The following NTM variants were observed in gnomAD, a reference collection of about 807,000 sequenced individuals.
The protein encoded by NTM is neurotrimin, also known as IgLON family member 2.
In NTM, 13 loss-of-function variants were observed where a neutral mutation model predicts 42.1. The observed-to-expected ratio is 0.31, with a 90% CI of 0.20 to 0.49. The LOEUF (loss-of-function observed/expected upper bound fraction) is 0.49. Ranked by LOEUF, NTM falls within the 20% of genes least tolerant of loss-of-function variation. The probability of loss-of-function intolerance (pLI) is 0.99; values close to 1 mark genes in which losing one functional copy is unlikely to be tolerated. For synonymous variants in NTM, 187 were observed against 179.2 expected, an observed-to-expected ratio of 1.04 and a Z score of -0.35; for missense variants, 373 against 452.8, an observed-to-expected ratio of 0.82 and a Z score of 1.60.
intron 1 of NTM, among the ~76,000 whole-genome samples, chr11:131,659,417 G>A (rs1264343321): frequency 6.6e-6 from 1 of 152,184 alleles, no homozygotes; most frequent in Non-Finnish European, 1.5e-5. Flanking sequence ...CACTGGGTGA[G>A]GGAGTTGAGC....
intron 1 of NTM, among the ~76,000 whole-genome samples, chr11:131,843,235 C>T (rs184269275): frequency 2.0e-5 from 3 of 152,202 alleles, no homozygotes; most frequent in East Asian, 1.9e-4. Flanking sequence ...AATCCATTTT[C>T]CCTGCTCCTG....
At chr11:131,418,151 T>A (rs772953865) in intron 1 of NTM, among the ~76,000 whole-genome samples, 1 of 152,186 alleles carries the variant, frequency 6.6e-6, no homozygotes, top group African/African-American at 2.4e-5. Context: ...CCGGGATGAT[T>A]GTATCCAATC....
intron 2 of NTM, among the ~76,000 whole-genome samples, chr11:131,931,378 A>T (rs1487101636): frequency 6.6e-6 from 1 of 151,956 alleles, no homozygotes; most frequent in African/African-American, 2.4e-5. Context: ...GGTCGAGGCT[A>T]CAGTGAACCG....
At chr11:132,320,876 C>A (rs912919950) in intron 7 of NTM, among the ~76,000 whole-genome samples, 5 of 151,716 alleles carry the variant, frequency 3.3e-5, no homozygotes, top group South Asian at 2.1e-4. Context: ...CCCCTGACCC[C>A]CGAGCAGCCT....
chr11:132,191,319 A>G lies in NTM; in HGVS notation c.401-20703A>G, dbSNP rs78961127. Among the ~76,000 whole-genome samples, 1,213 of 152,266 alleles carry G rather than the reference A, an allele frequency of 8.0e-3. 10 individuals are homozygous for G. The highest frequency in any genetic ancestry group is 0.027 in the African/African-American group (1,121 of 41,560). ...TGGGAGCACCTCGCTCCCACCTTCC[A>G]GTGCAGCCAGTGCTCAACCTCAAGG... On this transcript the variant is annotated intron_variant, in intron 3 of 8. Coordinates refer to ENST00000683400, the MANE Select transcript of NTM (RefSeq NM_001352005.2).
chr11:131,867,472 TCTGA>T (rs1361368186), intron 1 of NTM, among the ~76,000 whole-genome samples: 3 of 151,956 alleles, frequency 2.0e-5, no homozygotes, highest in Non-Finnish European at 2.9e-5. Flanking sequence ...TCTGTGTGTG[TCTGA>T]GTGTGTGTCT....
intron 1 of NTM, among the ~76,000 whole-genome samples, chr11:131,635,735 A>G (rs1565357706): frequency 1.3e-5 from 2 of 152,138 alleles, no homozygotes; most frequent in Non-Finnish European, 2.9e-5. Context: ...TAATGTGTAC[A>G]GTAATGTCCT....
intron 1 of NTM, among the ~76,000 whole-genome samples, chr11:131,792,978 G>C (rs1375838451): frequency 6.6e-6 from 1 of 152,222 alleles, no homozygotes; most frequent in Non-Finnish European, 1.5e-5. Flanking sequence ...GGATTCTCCA[G>C]AGAGCAGTTA....
At chr11:131,995,279 T>A (rs1208303457) in intron 2 of NTM, among the ~76,000 whole-genome samples, 1 of 152,186 alleles carries the variant, frequency 6.6e-6, no homozygotes, top group Admixed American at 6.5e-5. Context: ...TCATTCTTTG[T>A]GCCACACAGT....
intron 2 of NTM, among the ~76,000 whole-genome samples, chr11:131,992,539 C>A (rs1323348638): frequency 1.3e-5 from 2 of 152,050 alleles, no homozygotes; most frequent in Non-Finnish European, 2.9e-5. Context: ...GGACAGGAAT[C>A]GCATCAGGGA....
At chr11:131,505,578 T>G (rs917935275) in intron 1 of NTM, among the ~76,000 whole-genome samples, 6 of 152,316 alleles carry the variant, frequency 3.9e-5, no homozygotes, top group African/African-American at 1.2e-4. Context: ...TAATTTGTCC[T>G]GGATCACACA....
At chr11:131,409,450 C>T (rs544797463) in intron 1 of NTM, among the ~76,000 whole-genome samples, 4 of 152,258 alleles carry the variant, frequency 2.6e-5, no homozygotes, top group South Asian at 4.2e-4. Context: ...TAACTGGGAC[C>T]GCCCTGCTGG....
chr11:131,504,720 C>T (rs11222675), intron 1 of NTM, among the ~76,000 whole-genome samples: 18,694 of 151,972 alleles, frequency 0.12, 1,358 homozygotes, highest in East Asian at 0.26. Flanking sequence ...CGTGCCCTCA[C>T]ATGTCTGTCA....
intron 1 of NTM, among the ~76,000 whole-genome samples, chr11:131,846,908 C>G (rs1479194554): frequency 6.6e-6 from 1 of 152,054 alleles, no homozygotes; most frequent in East Asian, 1.9e-4. Context: ...AAGGGAGGGG[C>G]AAGGCATGGG....
chr11:132,229,256 T>C (rs1272371168), intron 4 of NTM, among the ~76,000 whole-genome samples: 1 of 152,192 alleles, frequency 6.6e-6, no homozygotes, highest in Non-Finnish European at 1.5e-5. Context: ...CTTGCTGTTC[T>C]TTTGCAGATG....
chr11:132,285,436 G>C (rs1301401781), intron 4 of NTM, among the ~76,000 whole-genome samples: 1 of 152,140 alleles, frequency 6.6e-6, no homozygotes, highest in Admixed American at 6.5e-5. Context: ...GACCAACTCT[G>C]TTTTTCTAAG....
chr11:131,747,877 A>G (rs965321412), intron 1 of NTM, among the ~76,000 whole-genome samples: 2 of 152,092 alleles, frequency 1.3e-5, no homozygotes, highest in African/African-American at 2.4e-5. Flanking sequence ...TTATCCTGTG[A>G]TCCCAGGAAT....
intron 1 of NTM, chr11:131,794,396 T>C: frequency 1.3e-6 from 1 of 752,782 alleles, no homozygotes; most frequent in Non-Finnish European, 1.6e-6. Flanking sequence ...AGCCTAAAAC[T>C]CACCTTCCAT....
At chr11:131,440,198 A>G (rs1054466717) in intron 1 of NTM, among the ~76,000 whole-genome samples, 1 of 152,026 alleles carries the variant, frequency 6.6e-6, no homozygotes, top group African/African-American at 2.4e-5. Context: ...AAAAAATTTA[A>G]CCTATAACTT....
Sources: allele counts gnomAD v4.1 joint callset (sites outside exome capture counted in the v4.1 genomes callset), GRCh38; gene constraint gnomAD v4.1.1; transcripts MANE v1.5; gene names NCBI Gene and HGNC (gene_info 2026-07-23, HGNC 2026-07-21).